The following CDKAL1 variants were observed in gnomAD, a reference collection of about 807,000 sequenced individuals.
CDKAL1 encodes threonylcarbamoyladenosine tRNA methylthiotransferase.
A neutral mutation model predicts 68.2 loss-of-function variants in CDKAL1; 32 were observed. The ratio of observed to expected loss-of-function variants is 0.47; its 90% CI spans 0.35 to 0.63. The LOEUF (loss-of-function observed/expected upper bound fraction) is 0.63. CDKAL1 is among the 30% of genes least tolerant of loss of function. The pLI, the probability that CDKAL1 is intolerant of heterozygous loss-of-function variation, is 0.00. For missense variants in CDKAL1, 606 were observed against 696.7 expected (o/e 0.87, Z 1.47); for synonymous variants, 234 against 244.3 (o/e 0.96, Z 0.39).
intron 4 of CDKAL1, among the ~76,000 whole-genome samples, chr6:20,593,591 A>C (rs1581783415): frequency 7.4e-6 from 1 of 134,928 alleles, no homozygotes; most frequent in African/African-American, 2.8e-5. Flanking sequence ...CTGGTGGTCT[A>C]TTTCATTAAT....
At chr6:20,541,729 C>T (rs1763395959) in intron 2 of CDKAL1, among the ~76,000 whole-genome samples, 1 of 152,040 alleles carries the variant, frequency 6.6e-6, no homozygotes, top group Admixed American at 6.6e-5. Context: ...GGCGCGATCT[C>T]GGCTAACCAA....
At chr6:20,712,148 G>A (rs554067347) in intron 5 of CDKAL1, among the ~76,000 whole-genome samples, 1 of 152,244 alleles carries the variant, frequency 6.6e-6, no homozygotes, top group South Asian at 2.1e-4. Flanking sequence ...CAAAAGTGAT[G>A]AGCTAATCAT....
chr6:20,923,841 G>A (rs148895620), intron 9 of CDKAL1, among the ~76,000 whole-genome samples: 1,705 of 152,220 alleles, frequency 0.011, 26 homozygotes, highest in African/African-American at 0.038. Context: ...GTGAAACCCT[G>A]CCTCTACAAA....
intron 9 of CDKAL1, among the ~76,000 whole-genome samples, chr6:20,952,685 A>G (rs1303819899): frequency 6.6e-6 from 1 of 152,268 alleles, no homozygotes; most frequent in Non-Finnish European, 1.5e-5. Context: ...AGTCTAGCCA[A>G]TTAAGTGTGC....
chr6:20,910,470 G>A (rs183166633), intron 9 of CDKAL1, among the ~76,000 whole-genome samples: 150 of 152,322 alleles, frequency 9.8e-4, no homozygotes, highest in African/African-American at 3.3e-3. Context: ...AACCTTTCCT[G>A]TGGAGAAAAT....
Position 20,726,017 on chromosome 6 carries a change from C to T in CDKAL1, c.372-13502C>T, listed in dbSNP as rs143740244. Among the ~76,000 whole-genome samples the T allele has an allele frequency of 1.4e-3, 209 of 151,632 alleles. 2 individuals are homozygous for T. Among genetic ancestry groups the T allele is most frequent in the Middle Eastern group, 0.01 (3 of 292 alleles). On this transcript the variant is annotated intron_variant, in intron 5 of 15. Coordinates refer to ENST00000274695, the MANE Select transcript of CDKAL1 (RefSeq NM_017774.3). ...AATCAAAATATTTTACCCTAAAATA[C>T]GTTTTTTTTTCTTCCATATCTTAAA...
intron 8 of CDKAL1, among the ~76,000 whole-genome samples, chr6:20,821,843 A>G (rs1480322024): frequency 6.6e-6 from 1 of 152,230 alleles, no homozygotes; most frequent in Non-Finnish European, 1.5e-5. Flanking sequence ...TACAACCTCA[A>G]TAAACCATTA....
intron 5 of CDKAL1, among the ~76,000 whole-genome samples, chr6:20,681,458 C>T (rs1770371039): frequency 6.6e-6 from 1 of 152,100 alleles, no homozygotes; most frequent in Non-Finnish European, 1.5e-5. Context: ...ACACTTTGTA[C>T]CAGGTATTGT....
chr6:21,079,974 C>CTGTGTGTGTGTGTGTGTG (rs1206773584), intron 12 of CDKAL1, among the ~76,000 whole-genome samples: 1 of 20,438 alleles, frequency 4.9e-5, no homozygotes, highest in Non-Finnish European at 1.2e-4. Context: ...TCAACTTTGT[C>CTGTGTGTGTGTGTGTGTG]TCTGTGTGTG....
At chr6:20,955,679 A>C in intron 10 of CDKAL1, 94 bp downstream of exon 10, 2 of 1,054,090 alleles carry the variant, frequency 1.9e-6, no homozygotes, top group South Asian at 2.1e-5. Flanking sequence ...CTTCATTTAA[A>C]ACTCCTTCAC....
At chr6:20,862,981 G>A (rs1292877243) in intron 9 of CDKAL1, among the ~76,000 whole-genome samples, 2 of 152,138 alleles carry the variant, frequency 1.3e-5, no homozygotes, top group Admixed American at 6.5e-5. Flanking sequence ...AGCTGAGATC[G>A]TGCCATTGCA....
At position 21,113,974 on chromosome 6, in the gene CDKAL1, C is replaced by T. The variant is rs112587239; in HGVS notation, c.1299+5511C>T. Among the ~76,000 whole-genome samples, 1,193 of 151,056 alleles carry T rather than the reference C, an allele frequency of 7.9e-3. 14 individuals are homozygous for T. Among genetic ancestry groups the T allele is most frequent in the African/African-American group, 0.026 (1,058 of 41,154 alleles). On this transcript the variant is annotated intron_variant, in intron 13 of 15. Transcript: ENST00000274695. ...AAGAAAAAAAAAAGCTCCGGCCGGG[C>T]GCAGTGGCTCACGCCTGTAATCCCA...
intron 13 of CDKAL1, among the ~76,000 whole-genome samples, chr6:21,121,266 T>A (rs1272020083): frequency 6.6e-6 from 1 of 152,232 alleles, no homozygotes; most frequent in Non-Finnish European, 1.5e-5. Context: ...TTTAAACTTT[T>A]AAAATCCACG....
intron 15 of CDKAL1, among the ~76,000 whole-genome samples, chr6:21,216,779 C>T (rs1251054714): frequency 6.6e-6 from 1 of 152,208 alleles, no homozygotes; most frequent in African/African-American, 2.4e-5. Context: ...CCCCAACCCT[C>T]ATCTCCAGCC....
intron 9 of CDKAL1, among the ~76,000 whole-genome samples, chr6:20,852,304 G>C (rs2150506383): frequency 6.6e-6 from 1 of 152,296 alleles, no homozygotes; most frequent in East Asian, 1.9e-4. Flanking sequence ...GTAAAAGAAA[G>C]TATACACTGT....
At chr6:20,721,846 C>T (rs1254547824) in intron 5 of CDKAL1, among the ~76,000 whole-genome samples, 1 of 151,054 alleles carries the variant, frequency 6.6e-6, no homozygotes, top group Admixed American at 6.6e-5. Context: ...AATTCTCCTG[C>T]CTCAGCCTCC....
At chr6:21,172,092 A>G (rs1302923825) in intron 13 of CDKAL1, among the ~76,000 whole-genome samples, 4 of 152,308 alleles carry the variant, frequency 2.6e-5, no homozygotes, top group South Asian at 2.1e-4. Context: ...GGGAACATGG[A>G]CAGTCCTCCC....
intron 6 of CDKAL1, among the ~76,000 whole-genome samples, chr6:20,749,421 G>A (rs1263312011): frequency 6.6e-6 from 1 of 152,078 alleles, no homozygotes; most frequent in Non-Finnish European, 1.5e-5. Context: ...CCGGAGGTTC[G>A]CATTGATGCC....
chr6:20,578,422 C>T lies in CDKAL1; in HGVS notation c.286+29717C>T, dbSNP rs141351489. ...TGTTCTTGGGAGTCATATGAATGGACTCATAGTATGTACTTTTATGTCTGG... is the reference window on the plus strand; with the variant it reads ...TGTTCTTGGGAGTCATATGAATGGATTCATAGTATGTACTTTTATGTCTGG... On this transcript the variant is annotated intron_variant, in intron 4 of 15. Transcript: ENST00000274695. Among the ~76,000 whole-genome samples the T allele has an allele frequency of 8.4e-3, 1,276 of 152,294 alleles. 12 individuals are homozygous for T. Among genetic ancestry groups the T allele is most frequent in the Non-Finnish European group, 0.013 (895 of 68,032 alleles).
Sources: allele counts gnomAD v4.1 joint callset (sites outside exome capture counted in the v4.1 genomes callset), GRCh38; gene constraint gnomAD v4.1.1; transcripts MANE v1.5; gene names NCBI Gene and HGNC (gene_info 2026-07-23, HGNC 2026-07-21).